Variants in USP53 observed in about 807,000 individuals in gnomAD.
USP53 encodes the protein ubiquitin carboxyl-terminal hydrolase 53.
USP53 carries 71 observed loss-of-function variants against 94.9 expected under a neutral mutation model. That is an observed-to-expected ratio of 0.75 (90% CI 0.62 to 0.91). USP53 has a LOEUF of 0.91. USP53 is among the 40% of genes least tolerant of loss of function. The probability of loss-of-function intolerance (pLI) is 0.00; values close to 1 mark genes in which losing one functional copy is unlikely to be tolerated. For missense variants in USP53, 1,173 were observed against 1,281.0 expected (o/e 0.92, Z 1.29); for synonymous variants, 375 against 422.7 (o/e 0.89, Z 1.39).
At chr4:119,279,566 C>T (rs538469721) in intron 17 of USP53, among the ~76,000 whole-genome samples, 1 of 151,052 alleles carries the variant, frequency 6.6e-6, no homozygotes, top group South Asian at 2.1e-4. Flanking sequence ...TTGTCTGTGC[C>T]CTGCCCCCAG....
At chr4:119,215,615 T>A (rs1409389320) in intron 2 of USP53, among the ~76,000 whole-genome samples, 6 of 148,708 alleles carry the variant, frequency 4.0e-5, no homozygotes, top group Non-Finnish European at 9.1e-5. Flanking sequence ...GATCTTAGTA[T>A]TTTTTTTTCT....
At chr4:119,214,420 A>G (rs981134267) in intron 2 of USP53, among the ~76,000 whole-genome samples, 198 bp downstream of exon 2, 3 of 152,114 alleles carry the variant, frequency 2.0e-5, no homozygotes, top group African/African-American at 7.2e-5. Flanking sequence ...AAAAGAGACT[A>G]AGAACTGGCC....
intron 4 of USP53, among the ~76,000 whole-genome samples, chr4:119,236,652 G>A (rs1322723498): frequency 3.3e-5 from 5 of 152,198 alleles, no homozygotes; most frequent in East Asian, 1.9e-4. Flanking sequence ...TTGCTCAGCC[G>A]TAAGAAGCAA....
In USP53 at chr4:119,242,891, A is replaced by T. The variant is rs547752268; in HGVS notation, c.145-2446A>T. ...ACAGACATTAAAATGTTTAGATCTG[A>T]TATAAGACACAAAAATGAATTTACA... On this transcript the variant is annotated intron_variant, in intron 5 of 18. Transcript: ENST00000692078. 1.9e-4 allele frequency among the ~76,000 whole-genome samples: 29 copies of T among 152,308 alleles called. No homozygotes were observed. The South Asian group carries it at 3.9e-3, about 21-fold the overall frequency.
intron 11 of USP53, among the ~76,000 whole-genome samples, chr4:119,260,992 C>T (rs1308887474): frequency 8.2e-6 from 1 of 121,694 alleles, no homozygotes; most frequent in Non-Finnish European, 1.6e-5. Flanking sequence ...CAGAGTCTTG[C>T]TCTGTCACTC....
chr4:119,240,558 A>G (rs1747389938), intron 5 of USP53, among the ~76,000 whole-genome samples: 1 of 152,194 alleles, frequency 6.6e-6, no homozygotes, highest in Non-Finnish European at 1.5e-5. Flanking sequence ...ACTAAAGATG[A>G]GGAAGATTTA....
intron 17 of USP53, among the ~76,000 whole-genome samples, chr4:119,283,392 C>T (rs901330380): frequency 2.6e-5 from 4 of 151,740 alleles, no homozygotes; most frequent in African/African-American, 9.7e-5. Context: ...AAAATTTGTG[C>T]TATTTTTTAA....
At position 119,259,921 on chromosome 4, in the gene USP53, G is replaced by A. The variant is rs1269987622; in HGVS notation, c.671G>A (p.Cys224Tyr). The A allele has an allele frequency of 2.2e-5, 35 of 1,603,516 alleles. No homozygotes were observed. The highest frequency in any genetic ancestry group is 3.0e-5 in the Non-Finnish European group (35 of 1,174,648). ...AATACAACAGATGACTATAGGAAAT[G>A]TCCTGTAAGTATAGTTTGGAGAATA... ...AANTTDDYRKCPSNCGQKIKI... is the reference protein window; with the variant it reads ...AANTTDDYRKYPSNCGQKIKI... Residue 224 changes from cysteine (C) to tyrosine (Y), a missense_variant, in exon 10 of 19, where the codon TGT becomes TAT. By Grantham distance (194) the Cys-to-Tyr change is radical. Coordinates refer to ENST00000692078, the MANE Select transcript of USP53 (RefSeq NM_001371395.1).
chr4:119,281,088 C>T (rs1216890956), intron 17 of USP53, among the ~76,000 whole-genome samples: 1 of 152,166 alleles, frequency 6.6e-6, no homozygotes, highest in African/African-American at 2.4e-5. Flanking sequence ...TTCAATTTGG[C>T]ACCAATAACT....
intron 9 of USP53, among the ~76,000 whole-genome samples, chr4:119,258,075 T>C (rs182885862): frequency 6.6e-6 from 1 of 152,336 alleles, no homozygotes; most frequent in Admixed American, 6.5e-5. Flanking sequence ...ATGCTTACCA[T>C]GTTCCAGGCT....
At chr4:119,222,045 C>A (rs1325463822) in intron 3 of USP53, among the ~76,000 whole-genome samples, 1 of 152,078 alleles carries the variant, frequency 6.6e-6, no homozygotes, top group Non-Finnish European at 1.5e-5. Context: ...AATATGAATT[C>A]TGTATTGCTA....
Position 119,256,484 on chromosome 4 carries a change from T to C in USP53, c.530T>C (p.Phe177Ser). 1 of 1,614,142 alleles carries C rather than the reference T, an allele frequency of 6.2e-7. No homozygotes were observed. The highest frequency in any genetic ancestry group is 8.5e-7 in the Non-Finnish European group (1 of 1,180,000). ...SCGASSDPLPFTEFVRYISTT... is the reference protein window; with the variant it reads ...SCGASSDPLPSTEFVRYISTT... Reference sequence around the variant, plus strand: ...GGAGCATCGTCAGATCCTCTACCTTTTACAGAATTTGTGCGGTACATTTCT... The same window carrying C: ...GGAGCATCGTCAGATCCTCTACCTTCTACAGAATTTGTGCGGTACATTTCT... Residue 177 changes from phenylalanine to serine, a missense_variant, in exon 9 of 19, where the codon TTT becomes TCT. Phe to Ser is a radical substitution (Grantham distance 155, BLOSUM62 -2). Coordinates refer to ENST00000692078, the MANE Select transcript of USP53 (RefSeq NM_001371395.1).
intron 17 of USP53, among the ~76,000 whole-genome samples, chr4:119,284,348 T>C (rs1753848497): frequency 6.6e-6 from 1 of 151,716 alleles, no homozygotes; most frequent in African/African-American, 2.4e-5. Context: ...GGAGAAAGGA[T>C]ATAATATACT....
At chr4:119,271,201 CTCTT>C (rs1371963241) in intron 15 of USP53, 91 bp from the exon 16 acceptor site, 2 of 1,480,574 alleles carry the variant, frequency 1.4e-6, no homozygotes, top group East Asian at 4.6e-5. Flanking sequence ...TTACCTAAAA[CTCTT>C]TAACATTTTA....
At chr4:119,233,551 T>C (rs1456300139) in intron 3 of USP53, among the ~76,000 whole-genome samples, 1 of 152,166 alleles carries the variant, frequency 6.6e-6, no homozygotes, top group Non-Finnish European at 1.5e-5. Flanking sequence ...TATTCCTTTT[T>C]TAATGCTTTG....
At chr4:119,261,667 T>G in intron 11 of USP53, 48 bp from the exon 12 acceptor site, 2 of 1,427,266 alleles carry the variant, frequency 1.4e-6, no homozygotes, top group Non-Finnish European at 1.9e-6. Flanking sequence ...ATTCCTCATT[T>G]TACAAAAGAT....
rs556728635 is a variant in USP53 at position 119,268,524 on chromosome 4, A to G, written c.1288+104A>G. 78 of 1,161,174 alleles carry G rather than the reference A, an allele frequency of 6.7e-5. 3 individuals are homozygous for G. In the South Asian group the frequency reaches 1.3e-3, roughly 19 times the overall value. The allele number at this position is 1,161,174 out of a possible 1,614,324, so 71.9% of individuals were successfully genotyped here. ...AGCTTTCCTTGGCTGTGAAAAGATA[A>G]TAACAAATAGATAACAAAATTCGTC... On this transcript the variant is annotated intron_variant, in intron 14 of 18. Transcript: ENST00000692078.
intron 3 of USP53, among the ~76,000 whole-genome samples, chr4:119,227,125 C>A (rs1022293055): frequency 5.9e-5 from 9 of 152,118 alleles, no homozygotes; most frequent in African/African-American, 2.2e-4. Context: ...AGCCACTGTG[C>A]CTGGCTATAA....
chr4:119,216,614 A>C (rs1356937677), intron 2 of USP53, among the ~76,000 whole-genome samples: 1 of 152,224 alleles, frequency 6.6e-6, no homozygotes, highest in African/African-American at 2.4e-5. Context: ...TATAATGTGA[A>C]GTATTCCCAA....
Sources: allele counts gnomAD v4.1 joint callset (sites outside exome capture counted in the v4.1 genomes callset), GRCh38; gene constraint gnomAD v4.1.1; transcripts MANE v1.5; gene names NCBI Gene and HGNC (gene_info 2026-07-23, HGNC 2026-07-21).